Variants in CRBN observed in about 807,000 individuals in gnomAD.
CRBN encodes the protein protein cereblon.
Under a neutral mutation model 62.2 loss-of-function variants are expected in CRBN, and 53 were observed. The ratio of observed to expected loss-of-function variants is 0.85; its 90% CI spans 0.68 to 1.07. CRBN has a LOEUF of 1.07. CRBN is among the 50% of genes least tolerant of loss of function. CRBN has a pLI of 0.00. For missense variants in CRBN, 616 were observed against 531.1 expected (o/e 1.16, Z -1.57); for synonymous variants, 208 against 176.1 (o/e 1.18, Z -1.43).
At chr3:3,151,868 A>G (rs1467607452) in intron 10 of CRBN, among the ~76,000 whole-genome samples, 2 of 152,234 alleles carry the variant, frequency 1.3e-5, no homozygotes, top group East Asian at 1.9e-4. Context: ...GCAGGATTCA[A>G]TGGGTTCTGC....
At chr3:3,172,480 C>G (rs1707657082) in intron 4 of CRBN, 1 of 390,482 alleles carries the variant, frequency 2.6e-6, no homozygotes, top group South Asian at 2.7e-5. Flanking sequence ...TGATTGTTCT[C>G]AAACCTGGAG....
Position 3,174,184 on chromosome 3 carries a change from A to G in CRBN, c.252T>C (p.Leu84=), listed in dbSNP as rs761208482. ...DDDSCQVIPV[L]PQVMMILIPG... The stretch of plus-strand genomic sequence containing the variant: ...GAATCAGGATCATCATCACTTGTGG[A>G]AGAACTGGAATCACCTGACAGCTGT... The change falls in exon 3 of 11, where the codon CTT becomes CTC. Residue 84 remains leucine, a synonymous_variant. Coordinates refer to ENST00000231948, the MANE Select transcript of CRBN (RefSeq NM_016302.4). 7 of 1,614,090 alleles carry G rather than the reference A, an allele frequency of 4.3e-6. No individual in the cohort carries two copies. The South Asian group carries it at 6.6e-5, about 15-fold the overall frequency.
At chr3:3,176,003 T>C (rs1165723977) in intron 1 of CRBN, among the ~76,000 whole-genome samples, 2 of 152,200 alleles carry the variant, frequency 1.3e-5, no homozygotes, top group Admixed American at 6.5e-5. Context: ...CAGCAGTGTG[T>C]GTCAGGTTTT....
chr3:3,175,249 C>T lies in CRBN; in HGVS notation c.88G>A (p.Glu30Lys), dbSNP rs78564552. Residue 30 changes from glutamate to lysine, a missense_variant, in exon 2 of 11, where the codon GAA (glutamate) becomes AAA (lysine). Transcript: ENST00000231948. ...LLPAESEEED[E>K]MEVEDQDSKE... ...CTATCCTGGTCTTCAACTTCCATTT[C>T]ATCTTCTTCCTCACTCTCTGCTATA... The T allele has an allele frequency of 3.4e-3, 5,535 of 1,610,774 alleles. 13 individuals are homozygous for T. Among genetic ancestry groups the T allele is most frequent in the Non-Finnish European group, 4.3e-3 (5,060 of 1,177,346 alleles).
chr3:3,172,620 G>GC lies in CRBN; in HGVS notation c.527+155dup, dbSNP rs1464454315. On this transcript the variant is annotated intron_variant, in intron 4 of 10. Coordinates refer to ENST00000231948, the MANE Select transcript of CRBN (RefSeq NM_016302.4). ...GCTTCCCAGGTGATTCTGATGCATA[G>GC]CAAGGTTGGAAACCACTGGGCTATA... 62 of 722,730 alleles carry GC rather than the reference G, an allele frequency of 8.6e-5. 1 individual carries two copies. The South Asian group carries it at 8.7e-4, about 10-fold the overall frequency. 44.8% of individuals were successfully genotyped at this position (722,730 alleles called of 1,614,324 possible).
intron 4 of CRBN, among the ~76,000 whole-genome samples, chr3:3,170,640 G>T (rs1707569044): frequency 6.6e-6 from 1 of 152,188 alleles, no homozygotes; most frequent in African/African-American, 2.4e-5. Flanking sequence ...CAGTGAAGGT[G>T]GTTACAGGGC....
At position 3,150,925 on chromosome 3, in the gene CRBN, C is replaced by A; in HGVS notation, c.1269G>T (p.Leu423Phe). 3 of 1,613,950 alleles carry A rather than the reference C, an allele frequency of 1.9e-6. No individual in the cohort carries two copies. The highest frequency in any genetic ancestry group is 8.5e-7 in the Non-Finnish European group (1 of 1,179,930). The change falls in exon 11 of 11, where the codon TTG becomes TTT. Residue 423 changes from leucine to phenylalanine, a missense_variant. By Grantham distance (22) the Leu-to-Phe change is conservative (BLOSUM62 0). Coordinates refer to ENST00000231948, the MANE Select transcript of CRBN (RefSeq NM_016302.4). ...CATCTTCAGTGTCTGGGATCGTGGG[C>A]AACAGAGCAGATCGCGTTAAGCCCC... ...KFWGLTRSAL[L>F]PTIPDTEDEI...
intron 5 of CRBN, among the ~76,000 whole-genome samples, chr3:3,160,348 G>C (rs1436949560): frequency 6.6e-6 from 1 of 152,136 alleles, no homozygotes; most frequent in African/African-American, 2.4e-5. Context: ...ATTACAATCA[G>C]CAATGTAAAT....
At chr3:3,177,819 C>G (rs950583868) in intron 1 of CRBN, among the ~76,000 whole-genome samples, 1 of 152,076 alleles carries the variant, frequency 6.6e-6, no homozygotes, top group African/African-American at 2.4e-5. Context: ...CTCTTCACAT[C>G]TCAAATATAA....
In CRBN at chr3:3,175,293, A is replaced by G. The variant is rs771791308; in HGVS notation, c.68-24T>C. On this transcript the variant is annotated intron_variant, in intron 1 of 10. Coordinates refer to ENST00000231948, the MANE Select transcript of CRBN (RefSeq NM_016302.4). The stretch of plus-strand genomic sequence containing the variant: ...TGCTATAAAAGTAGAATATTGTAAG[A>G]AAAAAAAAAAGATGAATGAAAACCT... 1.0e-5 allele frequency: 9 copies of G among 870,734 alleles called. No homozygotes were observed. In the East Asian group the frequency reaches 3.2e-4, roughly 31 times the overall value. The allele number at this position is 870,734 out of a possible 1,614,324, so 53.9% of individuals were successfully genotyped here. A position where few individuals can be genotyped will look rare whatever the true frequency, so the allele number is the denominator to read the frequency against.
rs1398507545 is a variant in CRBN at position 3,175,154 on chromosome 3, A to G, written c.174+9T>C. 9 of 1,560,734 alleles carry G rather than the reference A, an allele frequency of 5.8e-6. No individual in the cohort carries two copies. In the East Asian group the frequency reaches 2.0e-4, roughly 35 times the overall value. On this transcript the variant is annotated intron_variant, in intron 2 of 10. Transcript: ENST00000231948. ...TCTATTATATTAGATCTGTCACTAA[A>G]TTACATACTGTATGTGATGTCGGCA...
chr3:3,178,889 T>C (rs1366221391), intron 1 of CRBN, among the ~76,000 whole-genome samples: 2 of 151,924 alleles, frequency 1.3e-5, no homozygotes, highest in Non-Finnish European at 2.9e-5. Context: ...TTCCATGCAT[T>C]TTTTTTTTTG....
At chr3:3,170,445 A>T (rs1707558887) in intron 4 of CRBN, among the ~76,000 whole-genome samples, 2 of 152,246 alleles carry the variant, frequency 1.3e-5, no homozygotes, top group African/African-American at 2.4e-5. Flanking sequence ...AATGTGTTAT[A>T]GAGAAATTCT....
chr3:3,158,439 T>C (rs1320276836), intron 5 of CRBN, among the ~76,000 whole-genome samples: 2 of 152,166 alleles, frequency 1.3e-5, no homozygotes, highest in Non-Finnish European at 2.9e-5. Context: ...CTGGTAGTGG[T>C]TAAAGCCTGA....
Position 3,179,661 on chromosome 3 carries a change from G to A in CRBN, c.27C>T (p.Asp9=), listed in dbSNP as rs776519022. 22 of 1,612,982 alleles carry A rather than the reference G, an allele frequency of 1.4e-5. No individual in the cohort carries two copies. The highest frequency in any genetic ancestry group is 3.3e-5 in the South Asian group (3 of 91,030). Residue 9 remains aspartate, a synonymous_variant, in exon 1 of 11, where the codon GAC becomes GAT. Coordinates refer to ENST00000231948, the MANE Select transcript of CRBN (RefSeq NM_016302.4). MAGEGDQQ[D]AAHNMGNHLP... ...GGTGGTTGCCCATGTTGTGCGCAGC[G>A]TCCTGCTGATCTCCTTCGCCGGCCA... is the stretch of plus-strand genomic sequence containing the variant.
intron 5 of CRBN, among the ~76,000 whole-genome samples, chr3:3,160,842 CAT>C (rs1707111145): frequency 6.6e-6 from 1 of 152,138 alleles, no homozygotes; most frequent in African/African-American, 2.4e-5. Context: ...GTAAAATAAA[CAT>C]ATGAATTTGG....
At chr3:3,152,627 G>A (rs1212093861) in intron 9 of CRBN, 40 bp from the exon 10 acceptor site, 1 of 1,612,792 alleles carries the variant, frequency 6.2e-7, no homozygotes, top group Non-Finnish European at 8.5e-7. Context: ...GTCAAAACGA[G>A]AAGTCTAATT....
intron 5 of CRBN, among the ~76,000 whole-genome samples, chr3:3,164,138 A>G (rs1707239537): frequency 6.6e-6 from 1 of 152,180 alleles, no homozygotes; most frequent in Non-Finnish European, 1.5e-5. Flanking sequence ...TTTCTTTGAG[A>G]CACAACAATA....
intron 5 of CRBN, among the ~76,000 whole-genome samples, chr3:3,157,906 G>C (rs1706970884): frequency 6.6e-6 from 1 of 152,186 alleles, no homozygotes; most frequent in African/African-American, 2.4e-5. Flanking sequence ...GTTTAGAGCT[G>C]TCTCTCAAGT....
Sources: gnomAD v4.1 joint callset for allele counts (sites outside exome capture counted in the v4.1 genomes callset) on GRCh38, gnomAD v4.1.1 for gene constraint, MANE v1.5 for transcripts, NCBI Gene and HGNC (gene_info 2026-07-23, HGNC 2026-07-21) for gene names.